Variants in PLCG2 observed in about 807,000 individuals in gnomAD.
PLCG2 encodes the protein 1-phosphatidylinositol 4,5-bisphosphate phosphodiesterase gamma-2.
Under a neutral mutation model 175.6 loss-of-function variants are expected in PLCG2, and 69 were observed. The ratio of observed to expected loss-of-function variants is 0.39; its 90% CI spans 0.32 to 0.48. The LOEUF is 0.48. PLCG2 is among the 20% of genes least tolerant of loss of function. The pLI is 0.91. For missense variants in PLCG2, 1,798 were observed against 1,650.9 expected (o/e 1.09, Z -1.54); for synonymous variants, 827 against 624.0 (o/e 1.33, Z -4.85).
Position 81,883,249 on chromosome 16 carries a change from C to T in PLCG2, c.693-20C>T. 3 of 1,610,158 alleles carry T rather than the reference C, an allele frequency of 1.9e-6. No individual in the cohort carries two copies. Among genetic ancestry groups the T allele is most frequent in the Non-Finnish European group, 2.6e-6 (3 of 1,176,400 alleles). ...TTGAATGTGTCTGTCTCTAACTGCA[C>T]CCCCTTTCCCCGAGGATAGGAACAC... On this transcript the variant is annotated intron_variant, in intron 8 of 32. Coordinates refer to ENST00000564138, the MANE Select transcript of PLCG2 (RefSeq NM_002661.5).
chr16:81,909,869 G>A (rs906569734), intron 17 of PLCG2, among the ~76,000 whole-genome samples: 4 of 152,094 alleles, frequency 2.6e-5, no homozygotes, highest in Non-Finnish European at 5.9e-5. Flanking sequence ...CTGTCAGACC[G>A]CTGGGGTAGT....
At position 81,934,459 on chromosome 16, in the gene PLCG2, C is replaced by A. The variant is rs1910627239; in HGVS notation, c.2770C>A (p.Gln924Lys). 6.2e-7 allele frequency: 1 copy of A among 1,613,234 alleles called. No homozygotes were observed. Among genetic ancestry groups the A allele is most frequent in the Non-Finnish European group, 8.5e-7 (1 of 1,179,386 alleles). ...CAACATGAAGTACTGGGAGAAGAAC[C>A]AGTCCATCGCCATCGAGCTCTCTGA... ...ENNMKYWEKN[Q>K]SIAIELSDLV... is the part of the protein sequence containing the mutation. The change falls in exon 26 of 33, where the codon CAG (glutamine) becomes AAG (lysine). Residue 924 changes from glutamine (Q) to lysine (K), a missense_variant. Transcript: ENST00000564138.
chr16:81,793,306 G>A (rs1046108373), intron 2 of PLCG2, among the ~76,000 whole-genome samples: 1 of 152,194 alleles, frequency 6.6e-6, no homozygotes, highest in African/African-American at 2.4e-5. Flanking sequence ...TTTCCTTTCT[G>A]AGGGACCTAG....
chr16:81,928,437 G>A, intron 23 of PLCG2, 121 bp from the exon 24 acceptor site: 2 of 697,572 alleles, frequency 2.9e-6, no homozygotes, highest in Non-Finnish European at 5.3e-6. Context: ...ATCTGGTAAT[G>A]AAAATGCATT....
intron 2 of PLCG2, among the ~76,000 whole-genome samples, chr16:81,847,979 A>T (rs1284802837): frequency 6.6e-6 from 1 of 152,216 alleles, no homozygotes; most frequent in African/African-American, 2.4e-5. Context: ...CCAGCAAGTT[A>T]TTCTGTGGGT....
Position 81,825,299 on chromosome 16 carries a change from T to TTTG in PLCG2, c.194-29143_194-29142insGTT, listed in dbSNP as rs1567483937. Among the ~76,000 whole-genome samples the TTTG allele has an allele frequency of 8.1e-3, 1,190 of 147,490 alleles. 20 individuals are homozygous for TTTG. Among genetic ancestry groups the TTTG allele is most frequent in the Middle Eastern group, 0.028 (8 of 290 alleles). On this transcript the variant is annotated intron_variant, in intron 2 of 32. Transcript: ENST00000564138. The stretch of plus-strand genomic sequence containing the variant: ...GATGCTCTAATTTTTTTTTTTTTTT[T>TTTG]TTTTTTTGAGACAGAGTCTCACTCT...
At chr16:81,752,577 G>T (rs1340645892) in intron 1 of PLCG2, among the ~76,000 whole-genome samples, 1 of 152,220 alleles carries the variant, frequency 6.6e-6, no homozygotes, top group Non-Finnish European at 1.5e-5. Flanking sequence ...TCCATCTGAG[G>T]TCTCTGTGAG....
At chr16:81,869,641 A>C (rs1474786437) in intron 6 of PLCG2, among the ~76,000 whole-genome samples, 1 of 152,184 alleles carries the variant, frequency 6.6e-6, no homozygotes, top group Non-Finnish European at 1.5e-5. Flanking sequence ...GTCTTTTGGA[A>C]AATATTATGA....
intron 30 of PLCG2, among the ~76,000 whole-genome samples, chr16:81,942,985 G>C (rs77149853): frequency 0.017 from 2,629 of 152,182 alleles, 73 homozygotes; most frequent in African/African-American, 0.06. Context: ...AGCGAGAGAA[G>C]GTACATAGAG....
intron 2 of PLCG2, among the ~76,000 whole-genome samples, chr16:81,806,345 A>G (rs1567473950): frequency 6.6e-6 from 1 of 152,078 alleles, no homozygotes; most frequent in Admixed American, 6.6e-5. Flanking sequence ...GTGTGTGATC[A>G]GGTAGCTTTA....
Position 81,951,506 on chromosome 16 carries a change from A to C in PLCG2, c.3571-5189A>C, listed in dbSNP as rs146041762. On this transcript the variant is annotated intron_variant, in intron 31 of 32. Transcript: ENST00000564138. ...TATAGCTTAGTTTTGTCTTCATTTA[A>C]ATAACGTAATTCCAATTTCACTCCA... Among the ~76,000 whole-genome samples, 1,309 of 152,308 alleles carry C rather than the reference A, an allele frequency of 8.6e-3. 25 individuals carry two copies. Among genetic ancestry groups the C allele is most frequent in the African/African-American group, 0.03 (1,255 of 41,556 alleles).
intron 2 of PLCG2, among the ~76,000 whole-genome samples, chr16:81,833,618 C>T (rs1010014961): frequency 6.6e-6 from 1 of 151,762 alleles, no homozygotes; most frequent in Non-Finnish European, 1.5e-5. Context: ...TACCTTCCAC[C>T]TCCTAGGATC....
rs34340682 is a variant in PLCG2, at chr16:81,787,209, C to CT, written c.193+1037dup. On this transcript the variant is annotated intron_variant, in intron 2 of 32. Transcript: ENST00000564138. ...TATTCGAAGTGACTATCATTGTACT[C>CT]TTTTTTTTTTAAAACAAAATTAATT... is the stretch of plus-strand genomic sequence containing the variant. 4.7e-3 allele frequency among the ~76,000 whole-genome samples: 698 copies of CT among 149,854 alleles called. 13 individuals are homozygous for CT. The East Asian group carries it at 0.069, about 15-fold the overall frequency.
In PLCG2 at chr16:81,938,888, A is replaced by G. The variant is rs1269692395; in HGVS notation, c.3286A>G (p.Asn1096Asp). 6.2e-7 allele frequency: 1 copy of G among 1,608,782 alleles called. No homozygotes were observed. ...GGAGATCTGTGGAGCCGAGTATGAC[A>G]ACAACAAGTTCAAGACGACGGTTGT... ...EVEICGAEYD[N>D]NKFKTTVVND... Residue 1096 changes from asparagine (N) to aspartate (D), a missense_variant, in exon 29 of 33, where the codon AAC becomes GAC. Physicochemically the swap from Asn to Asp is conservative, Grantham distance 23 (BLOSUM62 1). Coordinates refer to ENST00000564138, the MANE Select transcript of PLCG2 (RefSeq NM_002661.5).
At chr16:81,861,044 A>G (rs1330609337) in intron 5 of PLCG2, among the ~76,000 whole-genome samples, 1 of 152,062 alleles carries the variant, frequency 6.6e-6, no homozygotes, top group East Asian at 1.9e-4. Flanking sequence ...GAAAAAACCA[A>G]AAAAACCAAA....
intron 20 of PLCG2, among the ~76,000 whole-genome samples, chr16:81,919,999 A>G (rs531522894): frequency 6.6e-6 from 1 of 152,332 alleles, no homozygotes; most frequent in South Asian, 2.1e-4. Context: ...GATCTCACTG[A>G]AAAGGAATGA....
intron 2 of PLCG2, among the ~76,000 whole-genome samples, chr16:81,791,437 A>T (rs1324731063): frequency 2.6e-5 from 4 of 152,240 alleles, no homozygotes; most frequent in African/African-American, 9.6e-5. Context: ...TCAGCTGGGC[A>T]ATTCTTCTAC....
intron 14 of PLCG2, among the ~76,000 whole-genome samples, chr16:81,903,112 G>C (rs1368158447): frequency 6.6e-6 from 1 of 152,178 alleles, no homozygotes. Flanking sequence ...TTGGGGATTA[G>C]GTTTCAACAT....
intron 31 of PLCG2, among the ~76,000 whole-genome samples, chr16:81,949,811 T>G (rs1330553189): frequency 6.6e-6 from 1 of 152,004 alleles, no homozygotes; most frequent in Non-Finnish European, 1.5e-5. Context: ...TAAAAAATAA[T>G]CAAGTATCAA....
Sources: gnomAD v4.1 joint callset for allele counts (sites outside exome capture counted in the v4.1 genomes callset) on GRCh38, gnomAD v4.1.1 for gene constraint, MANE v1.5 for transcripts, NCBI Gene and HGNC (gene_info 2026-07-23, HGNC 2026-07-21) for gene names.